Variants in ADAMTSL1 observed in about 807,000 individuals in gnomAD.
ADAMTSL1 encodes the protein ADAMTS like 1.
ADAMTSL1 carries 126 observed loss-of-function variants against 201.8 expected under a neutral mutation model. The ratio of observed to expected loss-of-function variants is 0.62; its 90% CI spans 0.54 to 0.72. The LOEUF (loss-of-function observed/expected upper bound fraction) is 0.72, where lower values mean the gene tolerates loss of function less well. ADAMTSL1 is among the 30% of genes least tolerant of loss of function. The pLI is 0.00. For missense variants in ADAMTSL1, 2,679 were observed against 2,277.8 expected, an observed-to-expected ratio of 1.18 and a Z score of -3.59; for synonymous variants, 1,121 against 903.4, an observed-to-expected ratio of 1.24 and a Z score of -4.32.
At position 18,082,891 on chromosome 9, in the gene ADAMTSL1, A is replaced by T. The variant is rs78978393; in HGVS notation, c.88-80971A>T. Among the ~76,000 whole-genome samples the T allele has an allele frequency of 8.8e-3, 1,338 of 152,360 alleles. 29 individuals carry two copies. The highest frequency in any genetic ancestry group is 0.03 in the African/African-American group (1,260 of 41,586). On this transcript the variant is annotated intron_variant, in intron 1 of 29. Transcript: ENST00000680146. ...ATAACATGAGAACATTATGAGAAGC[A>T]GAATAGGAAAACCCATAATTAGAAG...
chr9:18,841,767 A>T (rs1825731732), intron 23 of ADAMTSL1, among the ~76,000 whole-genome samples: 1 of 152,068 alleles, frequency 6.6e-6, no homozygotes, highest in Admixed American at 6.6e-5. Flanking sequence ...TAGTCTTGGG[A>T]GGGTGTATGT....
chr9:17,914,105 G>A (rs1402285191), intron 1 of ADAMTSL1, among the ~76,000 whole-genome samples: 1 of 152,134 alleles, frequency 6.6e-6, no homozygotes, highest in Non-Finnish European at 1.5e-5. Flanking sequence ...AGGAAGAACT[G>A]GTACCATTCC....
At chr9:18,452,099 G>C (rs1182803899) in intron 2 of ADAMTSL1, among the ~76,000 whole-genome samples, 5 of 152,026 alleles carry the variant, frequency 3.3e-5, no homozygotes. Context: ...TTTTAGTAGA[G>C]ATGGGGTTTC....
In ADAMTSL1 at chr9:18,107,588, G is replaced by A. The variant is rs189467315; in HGVS notation, c.88-56274G>A. Among the ~76,000 whole-genome samples the A allele has an allele frequency of 1.2e-4, 19 of 152,180 alleles. 1 individual carries two copies. The East Asian group carries it at 3.7e-3, about 29-fold the overall frequency. On this transcript the variant is annotated intron_variant, in intron 1 of 29. Coordinates refer to the ADAMTSL1 transcript ENST00000680146. ...ATAGCCATGCTCTGGGACTTGAAAA[G>A]GATATGGACTCAAAGGGAGAAAAAG... is the stretch of plus-strand genomic sequence containing the variant.
intron 2 of ADAMTSL1, among the ~76,000 whole-genome samples, chr9:18,179,885 TG>T (rs1200863396): frequency 6.6e-6 from 1 of 151,760 alleles, no homozygotes; most frequent in Non-Finnish European, 1.5e-5. Context: ...GCGCTAAACA[TG>T]GAAAGGAACA....
chr9:18,746,739 G>A (rs563220962), intron 15 of ADAMTSL1, among the ~76,000 whole-genome samples: 4 of 147,168 alleles, frequency 2.7e-5, no homozygotes, highest in Admixed American at 1.4e-4. Flanking sequence ...CAAAACCTTG[G>A]CAACTCACAT....
intron 2 of ADAMTSL1, among the ~76,000 whole-genome samples, chr9:18,291,231 A>T (rs1833248235): frequency 6.6e-6 from 1 of 152,224 alleles, no homozygotes; most frequent in African/African-American, 2.4e-5. Flanking sequence ...CTAAATCCTA[A>T]GAACTAAAAT....
chr9:18,211,468 A>G (rs1829867566), intron 2 of ADAMTSL1, among the ~76,000 whole-genome samples: 1 of 152,160 alleles, frequency 6.6e-6, no homozygotes, highest in South Asian at 2.1e-4. Context: ...TATCTCTGTT[A>G]TAGGATTTCT....
At chr9:18,392,470 C>G (rs1312157797) in intron 2 of ADAMTSL1, among the ~76,000 whole-genome samples, 1 of 152,214 alleles carries the variant, frequency 6.6e-6, no homozygotes, top group Non-Finnish European at 1.5e-5. Context: ...TCCTACATCT[C>G]CACTTGGCCT....
intron 2 of ADAMTSL1, among the ~76,000 whole-genome samples, chr9:18,528,038 C>T (rs867021654): frequency 2.0e-4 from 30 of 152,012 alleles, no homozygotes; most frequent in Middle Eastern, 3.4e-3. Flanking sequence ...CCACCATGCC[C>T]GGCTAATTTT....
chr9:17,932,394 A>G (rs1197582937), intron 1 of ADAMTSL1, among the ~76,000 whole-genome samples: 1 of 152,122 alleles, frequency 6.6e-6, no homozygotes, highest in African/African-American at 2.4e-5. Flanking sequence ...GAGGAGGAAA[A>G]AAGGGAGAAA....
intron 2 of ADAMTSL1, among the ~76,000 whole-genome samples, chr9:18,190,328 A>T (rs1828920257): frequency 6.6e-6 from 1 of 152,206 alleles, no homozygotes; most frequent in East Asian, 1.9e-4. Flanking sequence ...AACTCTTTTT[A>T]ATCCTTGACC....
intron 2 of ADAMTSL1, among the ~76,000 whole-genome samples, chr9:18,329,668 A>G (rs1834955808): frequency 6.6e-6 from 1 of 152,242 alleles, no homozygotes; most frequent in South Asian, 2.1e-4. Flanking sequence ...CATGTCCTGC[A>G]AGGAATCAAG....
At chr9:18,302,953 C>A (rs58613156) in intron 2 of ADAMTSL1, among the ~76,000 whole-genome samples, 1 of 152,226 alleles carries the variant, frequency 6.6e-6, no homozygotes, top group Admixed American at 6.5e-5. Flanking sequence ...ATGAAGGTAT[C>A]TGAAAAGCAT....
intron 23 of ADAMTSL1, among the ~76,000 whole-genome samples, chr9:18,854,809 A>G (rs796859876): frequency 1.8e-4 from 28 of 152,354 alleles, no homozygotes; most frequent in African/African-American, 5.5e-4. Context: ...GACATGGACC[A>G]TATTATGACT....
chr9:17,975,958 A>G lies in ADAMTSL1; in HGVS notation c.87+69036A>G, dbSNP rs1421160420. Among the ~76,000 whole-genome samples the G allele has an allele frequency of 2.6e-5, 4 of 152,044 alleles. No individual in the cohort carries two copies. The East Asian group carries it at 5.8e-4, about 22-fold the overall frequency. The stretch of plus-strand genomic sequence containing the variant: ...CATGTGGATATCCAGTTTTTCCAAC[A>G]CTATTTATTGAAGGAACTAGCCTTC... On this transcript the variant is annotated intron_variant, in intron 1 of 29. Transcript: ENST00000680146.
chr9:18,553,894 T>C (rs1285044360), intron 3 of ADAMTSL1, among the ~76,000 whole-genome samples: 1 of 151,860 alleles, frequency 6.6e-6, no homozygotes, highest in East Asian at 1.9e-4. Context: ...ATCATTATTT[T>C]ATTTTATTCT....
chr9:18,322,801 T>G (rs1003157599), intron 2 of ADAMTSL1, among the ~76,000 whole-genome samples: 2 of 152,214 alleles, frequency 1.3e-5, no homozygotes, highest in African/African-American at 4.8e-5. Flanking sequence ...AACAACTTTA[T>G]GCCAATAAAT....
At chr9:18,831,188 G>T (rs531564749) in intron 23 of ADAMTSL1, among the ~76,000 whole-genome samples, 2 of 152,318 alleles carry the variant, frequency 1.3e-5, no homozygotes, top group East Asian at 3.9e-4. Context: ...ATAAGACACA[G>T]GGAAAGTAAC....
Sources: allele counts gnomAD v4.1 joint callset (sites outside exome capture counted in the v4.1 genomes callset), GRCh38; gene constraint gnomAD v4.1.1; transcripts MANE v1.5; gene names NCBI Gene and HGNC (gene_info 2026-07-23, HGNC 2026-07-21).